CCDC39: variants seen among roughly 807,000 people sequenced by gnomAD.
CCDC39 encodes coiled-coil domain 39 molecular ruler complex subunit.
In CCDC39, 113 loss-of-function variants were observed where a neutral mutation model predicts 121.0. The ratio of observed to expected loss-of-function variants is 0.93; its 90% CI spans 0.80 to 1.09. CCDC39 has a LOEUF of 1.09. Among genes scored for constraint, CCDC39 ranks in the 50% least tolerant of loss-of-function variants. CCDC39 has a pLI of 0.00. For missense variants in CCDC39, 1,063 were observed against 1,074.7 expected, an observed-to-expected ratio of 0.99 and a Z score of 0.15; for synonymous variants, 349 against 352.2, an observed-to-expected ratio of 0.99 and a Z score of 0.10.
intron 16 of CCDC39, among the ~76,000 whole-genome samples, chr3:180,618,789 T>C (rs1219050909): frequency 6.6e-6 from 1 of 152,208 alleles, no homozygotes; most frequent in Non-Finnish European, 1.5e-5. Flanking sequence ...TGCCACATTT[T>C]CTTAATCCAG....
At chr3:180,675,575 G>A (rs992881186) in intron 1 of CCDC39, among the ~76,000 whole-genome samples, 1 of 151,868 alleles carries the variant, frequency 6.6e-6, no homozygotes, top group African/African-American at 2.4e-5. Flanking sequence ...GTGATGTTAG[G>A]GTGTCAATTT....
chr3:180,673,838 G>A (rs1030850110), intron 1 of CCDC39, among the ~76,000 whole-genome samples: 2 of 151,722 alleles, frequency 1.3e-5, no homozygotes, highest in Admixed American at 1.3e-4. Context: ...GGGGCAGAAG[G>A]AATAGAAGAG....
chr3:180,676,145 G>C (rs1353310284), intron 1 of CCDC39, among the ~76,000 whole-genome samples: 3 of 152,080 alleles, frequency 2.0e-5, no homozygotes, highest in Admixed American at 2.0e-4. Context: ...TTGACAAATG[G>C]GATCTCATTA....
chr3:180,652,120 G>T, intron 8 of CCDC39, 43 bp downstream of exon 8: 2 of 1,049,766 alleles, frequency 1.9e-6, no homozygotes, highest in Non-Finnish European at 2.8e-6. Flanking sequence ...TCTAGATATA[G>T]TAAAAAATAA....
chr3:180,655,290 A>T (rs538638148), intron 6 of CCDC39, among the ~76,000 whole-genome samples: 1 of 152,114 alleles, frequency 6.6e-6, no homozygotes, highest in East Asian at 1.9e-4. Flanking sequence ...CGGGGTTTCA[A>T]TGAAGTTTTC....
intron 1 of CCDC39, among the ~76,000 whole-genome samples, chr3:180,674,845 G>A (rs1560096379): frequency 1.3e-5 from 2 of 152,296 alleles, no homozygotes; most frequent in South Asian, 4.1e-4. Context: ...GATCATCGTG[G>A]ATAAGCTTTT....
chr3:180,625,551 T>C (rs1485700211), intron 14 of CCDC39, among the ~76,000 whole-genome samples: 1 of 152,162 alleles, frequency 6.6e-6, no homozygotes, highest in African/African-American at 2.4e-5. Flanking sequence ...GTGGGTCACA[T>C]TTCCTTGCTT....
intron 13 of CCDC39, among the ~76,000 whole-genome samples, chr3:180,636,553 T>C (rs1717832641): frequency 6.8e-6 from 1 of 147,882 alleles, no homozygotes; most frequent in African/African-American, 2.5e-5. Context: ...AAACTACCAA[T>C]GACATTTTTA....
At chr3:180,666,977 C>A (rs1711893533) in intron 1 of CCDC39, among the ~76,000 whole-genome samples, 1 of 151,928 alleles carries the variant, frequency 6.6e-6, no homozygotes. Flanking sequence ...AAATATAGTT[C>A]ATCAATATAG....
Position 180,616,821 on chromosome 3 carries a change from G to T in CCDC39, c.2406+5C>A, listed in dbSNP as rs777030873. ...GAAAGGTCAGTTTTTAAAAGATATCGATACCTGTTTGGTCACTCTTTCTAA... is the reference window on the plus strand; with the variant it reads ...GAAAGGTCAGTTTTTAAAAGATATCTATACCTGTTTGGTCACTCTTTCTAA... On this transcript the variant is annotated splice_donor_5th_base_variant and intron_variant, in intron 17 of 19. Coordinates refer to ENST00000476379, the MANE Select transcript of CCDC39 (RefSeq NM_181426.2). The T allele has an allele frequency of 6.2e-7, 1 of 1,608,768 alleles. No individual in the cohort carries two copies. Among genetic ancestry groups the T allele is most frequent in the Admixed American group, 1.7e-5 (1 of 59,634 alleles).
chr3:180,625,251 G>A (rs1169144486), intron 14 of CCDC39, among the ~76,000 whole-genome samples: 1 of 148,898 alleles, frequency 6.7e-6, no homozygotes, highest in East Asian at 2.0e-4. Flanking sequence ...TGTCTGACTG[G>A]ATTATTTTAA....
At chr3:180,618,147 A>G (rs1454372824) in intron 16 of CCDC39, among the ~76,000 whole-genome samples, 1 of 152,180 alleles carries the variant, frequency 6.6e-6, no homozygotes, top group African/African-American at 2.4e-5. Context: ...AGGTTTGTGT[A>G]AGTACACTCT....
At chr3:180,660,520 A>G (rs1711715762) in intron 4 of CCDC39, 50 bp downstream of exon 4, 1 of 1,455,374 alleles carries the variant, frequency 6.9e-7, no homozygotes. Flanking sequence ...ATAGGTTGAC[A>G]TACTACAGAG....
chr3:180,647,140 T>G lies in CCDC39; in HGVS notation c.1466A>C (p.Lys489Thr). Residue 489 changes from lysine (K) to threonine (T), a missense_variant, in exon 11 of 20, where the codon AAG becomes ACG. Transcript: ENST00000476379. ...TGTAGATTTTTTCTCTTCCAAAGACTTCCTAAGTTCAACAATTTTTGCTTC... is the reference window on the plus strand; with the variant it reads ...TGTAGATTTTTTCTCTTCCAAAGACGTCCTAAGTTCAACAATTTTTGCTTC... Reference protein sequence around the residue: ...ALEAKIVELRKSLEEKKSTCG... With the variant: ...ALEAKIVELRTSLEEKKSTCG... 6.2e-7 allele frequency: 1 copy of G among 1,611,824 alleles called. No homozygotes were observed. Among genetic ancestry groups the G allele is most frequent in the Non-Finnish European group, 8.5e-7 (1 of 1,179,104 alleles).
At chr3:180,637,402 A>G (rs1389298223) in intron 13 of CCDC39, among the ~76,000 whole-genome samples, 1 of 152,196 alleles carries the variant, frequency 6.6e-6, no homozygotes, top group Non-Finnish European at 1.5e-5. Context: ...GGCTGCCATT[A>G]AAGTCAAATA....
chr3:180,632,392 C>G (rs1017182635), intron 13 of CCDC39, among the ~76,000 whole-genome samples: 1 of 152,130 alleles, frequency 6.6e-6, no homozygotes, highest in East Asian at 1.9e-4. Context: ...CAAACTCATG[C>G]AAGTAAGCTC....
intron 1 of CCDC39, among the ~76,000 whole-genome samples, chr3:180,675,671 G>A (rs944447674): frequency 6.6e-6 from 1 of 152,082 alleles, no homozygotes; most frequent in African/African-American, 2.4e-5. Flanking sequence ...AGAGATTCTG[G>A]TATGTTGTGT....
chr3:180,664,927 C>T (rs1233598628), intron 1 of CCDC39, among the ~76,000 whole-genome samples: 4 of 151,262 alleles, frequency 2.6e-5, no homozygotes, highest in Non-Finnish European at 4.4e-5. Flanking sequence ...AGGCTGGTCT[C>T]GAACTCCTGA....
intron 1 of CCDC39, among the ~76,000 whole-genome samples, chr3:180,676,875 G>C (rs1354599437): frequency 2.0e-5 from 3 of 151,746 alleles, no homozygotes; most frequent in Admixed American, 2.0e-4. Context: ...ATCATTCTTA[G>C]CAAACTATTG....
Sources: allele counts gnomAD v4.1 joint callset (sites outside exome capture counted in the v4.1 genomes callset), GRCh38; gene constraint gnomAD v4.1.1; transcripts MANE v1.5; gene names NCBI Gene and HGNC (gene_info 2026-07-23, HGNC 2026-07-21).